Variants in GALNTL6 observed in about 807,000 individuals in gnomAD.
The protein encoded by GALNTL6 is polypeptide N-acetylgalactosaminyltransferase like 6.
Under a neutral mutation model 73.7 loss-of-function variants are expected in GALNTL6, and 46 were observed. The observed-to-expected ratio is 0.62, with a 90% confidence interval of 0.49 to 0.80. The LOEUF (loss-of-function observed/expected upper bound fraction) is 0.80. GALNTL6 is among the 30% of genes least tolerant of loss of function. GALNTL6 has a pLI of 0.00. For synonymous variants in GALNTL6, 259 were observed against 263.7 expected, an observed-to-expected ratio of 0.98 and a Z score of 0.17; for missense variants, 604 against 755.0, an observed-to-expected ratio of 0.80 and a Z score of 2.34.
chr4:172,042,864 T>TAAAAAAAAAAAAA (rs397996272), intron 2 of GALNTL6, among the ~76,000 whole-genome samples: 4 of 44,406 alleles, frequency 9.0e-5, no homozygotes, highest in African/African-American at 2.5e-4. Flanking sequence ...TCTTTAACAG[T>TAAAAAAAAAAAAA]AAAAAAAAAA....
At chr4:172,040,555 C>T (rs1236987630) in intron 2 of GALNTL6, among the ~76,000 whole-genome samples, 1 of 151,956 alleles carries the variant, frequency 6.6e-6, no homozygotes, top group African/African-American at 2.4e-5. Flanking sequence ...TTCTACCATG[C>T]CATTAATGAT....
chr4:172,125,538 TTC>T (rs1242828111), intron 2 of GALNTL6, among the ~76,000 whole-genome samples: 1 of 152,130 alleles, frequency 6.6e-6, no homozygotes, highest in African/African-American at 2.4e-5. Flanking sequence ...ACACAAATAA[TTC>T]TCTTACAATT....
chr4:172,171,518 C>T (rs1734824887), intron 2 of GALNTL6, among the ~76,000 whole-genome samples: 1 of 152,012 alleles, frequency 6.6e-6, no homozygotes, highest in Non-Finnish European at 1.5e-5. Flanking sequence ...CTGCTAGGCA[C>T]CAGTCAACTC....
intron 5 of GALNTL6, among the ~76,000 whole-genome samples, chr4:172,660,055 T>TC (rs1731286931): frequency 6.6e-6 from 1 of 152,224 alleles, no homozygotes; most frequent in Non-Finnish European, 1.5e-5. Flanking sequence ...CCTCAACCTT[T>TC]CCTTCCTCCC....
At chr4:172,127,371 A>G (rs1346659067) in intron 2 of GALNTL6, among the ~76,000 whole-genome samples, 1 of 152,178 alleles carries the variant, frequency 6.6e-6, no homozygotes, top group Non-Finnish European at 1.5e-5. Flanking sequence ...CCAGCCTGCC[A>G]CTACCACCAT....
intron 5 of GALNTL6, among the ~76,000 whole-genome samples, chr4:172,583,871 C>A (rs1477922981): frequency 1.1e-4 from 16 of 140,404 alleles, no homozygotes; most frequent in African/African-American, 4.4e-4. Context: ...CCAGCCTGGG[C>A]CGACAGAGCG....
At chr4:172,458,671 G>A (rs1209355325) in intron 5 of GALNTL6, among the ~76,000 whole-genome samples, 1 of 152,106 alleles carries the variant, frequency 6.6e-6, no homozygotes, top group Non-Finnish European at 1.5e-5. Context: ...ACTAAACCAA[G>A]ATGAAGCCAA....
At chr4:172,118,241 T>G (rs563842522) in intron 2 of GALNTL6, among the ~76,000 whole-genome samples, 103 of 152,296 alleles carry the variant, frequency 6.8e-4, no homozygotes, top group African/African-American at 2.4e-3. Context: ...ATTTGAAATA[T>G]AAAATTTTTA....
intron 2 of GALNTL6, among the ~76,000 whole-genome samples, chr4:172,199,895 A>G (rs1735899245): frequency 6.6e-6 from 1 of 152,198 alleles, no homozygotes; most frequent in African/African-American, 2.4e-5. Flanking sequence ...AACTAGCCAT[A>G]TACCTCATTT....
intron 2 of GALNTL6, among the ~76,000 whole-genome samples, chr4:172,188,718 G>C (rs547349076): frequency 6.6e-6 from 1 of 152,310 alleles, no homozygotes; most frequent in Admixed American, 6.5e-5. Context: ...AAAGGGTAAA[G>C]AGGACTCTCC....
At chr4:172,703,044 C>A (rs754036104) in intron 5 of GALNTL6, among the ~76,000 whole-genome samples, 2 of 151,768 alleles carry the variant, frequency 1.3e-5, no homozygotes, top group Non-Finnish European at 2.9e-5. Context: ...AATTTGTATG[C>A]TTTTATTTAT....
At chr4:171,873,501 C>T (rs1736191704) in intron 2 of GALNTL6, among the ~76,000 whole-genome samples, 1 of 152,146 alleles carries the variant, frequency 6.6e-6, no homozygotes, top group African/African-American at 2.4e-5. Context: ...TCTGTATACC[C>T]ATCATGCTCA....
chr4:172,876,791 CA>C (rs1317880027), intron 7 of GALNTL6, among the ~76,000 whole-genome samples: 1 of 152,152 alleles, frequency 6.6e-6, no homozygotes. Context: ...TTTCATACTT[CA>C]AAGTGTTTAA....
intron 2 of GALNTL6, among the ~76,000 whole-genome samples, chr4:171,957,314 A>G (rs932068314): frequency 2.0e-5 from 3 of 152,216 alleles, no homozygotes; most frequent in African/African-American, 7.2e-5. Flanking sequence ...TCCCTAAGCA[A>G]TTGTCAAAAA....
At chr4:171,959,830 C>T (rs371359432) in intron 2 of GALNTL6, among the ~76,000 whole-genome samples, 1 of 152,082 alleles carries the variant, frequency 6.6e-6, no homozygotes, top group African/African-American at 2.4e-5. Flanking sequence ...TTGCCTGAAG[C>T]AAATAGAAAT....
chr4:172,145,168 C>A (rs866777048), intron 2 of GALNTL6, among the ~76,000 whole-genome samples: 4 of 151,892 alleles, frequency 2.6e-5, no homozygotes, highest in African/African-American at 9.7e-5. Context: ...GAGATGGAGT[C>A]TTGCTCAGTC....
intron 10 of GALNTL6, among the ~76,000 whole-genome samples, chr4:172,971,632 G>A (rs1457933421): frequency 6.6e-6 from 1 of 152,220 alleles, no homozygotes; most frequent in Non-Finnish European, 1.5e-5. Flanking sequence ...TGGAAGAAAA[G>A]CAGTAATAGT....
chr4:172,792,621 G>C (rs1186842654), intron 5 of GALNTL6, among the ~76,000 whole-genome samples: 3 of 150,086 alleles, frequency 2.0e-5, no homozygotes, highest in Non-Finnish European at 4.4e-5. Flanking sequence ...GCTTGTTTTA[G>C]CATTTTTGAT....
chr4:173,025,095 T>A (rs532901727), intron 12 of GALNTL6, among the ~76,000 whole-genome samples: 1 of 152,260 alleles, frequency 6.6e-6, no homozygotes, highest in Admixed American at 6.5e-5. Context: ...TTTCAGCAAC[T>A]CTCATTCCGC....
Sources: allele counts gnomAD v4.1 joint callset (sites outside exome capture counted in the v4.1 genomes callset), GRCh38; gene constraint gnomAD v4.1.1; transcripts MANE v1.5; gene names NCBI Gene and HGNC (gene_info 2026-07-23, HGNC 2026-07-21).